MAML3: variants seen among roughly 807,000 people sequenced by gnomAD.
MAML3 encodes mastermind like transcriptional coactivator 3, also known as mastermind-like protein 3.
Under a neutral mutation model 101.9 loss-of-function variants are expected in MAML3, and 27 were observed. That is an observed-to-expected ratio of 0.27 (90% CI 0.20 to 0.37). MAML3 has a LOEUF of 0.37. Ranked by LOEUF, MAML3 falls within the 10% of genes least tolerant of loss-of-function variation. MAML3 has a pLI of 1.00. For missense variants in MAML3, 1,316 were observed against 1,444.9 expected, an observed-to-expected ratio of 0.91 and a Z score of 1.45; for synonymous variants, 501 against 555.9, an observed-to-expected ratio of 0.90 and a Z score of 1.39.
At chr4:139,801,434 C>T (rs534547812) in intron 2 of MAML3, among the ~76,000 whole-genome samples, 41 of 152,228 alleles carry the variant, frequency 2.7e-4, no homozygotes, top group East Asian at 9.6e-4. Flanking sequence ...GCTGCACCAC[C>T]GCTGTGGGGA....
intron 2 of MAML3, among the ~76,000 whole-genome samples, chr4:139,857,366 C>G (rs1731679657): frequency 6.6e-6 from 1 of 152,172 alleles, no homozygotes; most frequent in Non-Finnish European, 1.5e-5. Flanking sequence ...TCCCCCACCC[C>G]ACCCCCTTCA....
chr4:139,845,681 G>T (rs951420279), intron 2 of MAML3, among the ~76,000 whole-genome samples: 4 of 152,122 alleles, frequency 2.6e-5, no homozygotes, highest in African/African-American at 9.7e-5. Context: ...CACTTCATAT[G>T]ATGTCATCTC....
chr4:139,994,342 A>T (rs1007812850), intron 1 of MAML3, among the ~76,000 whole-genome samples: 1 of 152,174 alleles, frequency 6.6e-6, no homozygotes, highest in African/African-American at 2.4e-5. Flanking sequence ...TTGGGTTCTT[A>T]ATTTAACTTT....
chr4:140,104,376 AATATATATATATTATATATTATATAAT>A (rs1377938095), intron 1 of MAML3, among the ~76,000 whole-genome samples: 8 of 69,374 alleles, frequency 1.2e-4, no homozygotes, highest in Non-Finnish European at 1.9e-4. Flanking sequence ...ATATATATAT[AATATATATATATTATATATTATATAAT>A]ATATAATATA....
chr4:139,930,236 G>C (rs1419453242), intron 1 of MAML3, among the ~76,000 whole-genome samples: 1 of 152,152 alleles, frequency 6.6e-6, no homozygotes, highest in South Asian at 2.1e-4. Flanking sequence ...TCTTCTTCAG[G>C]AGAGTCAAAA....
chr4:140,136,213 G>A (rs1728880776), intron 1 of MAML3, among the ~76,000 whole-genome samples: 1 of 152,164 alleles, frequency 6.6e-6, no homozygotes, highest in Admixed American at 6.5e-5. Context: ...GCTGCTGAGA[G>A]GTGGCAGGAG....
rs902505696 is a variant in MAML3 at position 139,961,908 on chromosome 4, G to A, written c.469-70941C>T. 2.0e-5 allele frequency among the ~76,000 whole-genome samples: 3 copies of A among 152,224 alleles called. No individual in the cohort carries two copies. In the South Asian group the frequency reaches 6.2e-4, roughly 32 times the overall value. ...GCAGGTGGATCACTTGGGCTCAGGA[G>A]TTCAAGACCAGCCTGGGAAACATGG... is the stretch of plus-strand genomic sequence containing the variant. On this transcript the variant is annotated intron_variant, in intron 1 of 4. Transcript: ENST00000509479.
At chr4:139,768,757 G>A (rs1178384944) in intron 2 of MAML3, among the ~76,000 whole-genome samples, 1 of 152,188 alleles carries the variant, frequency 6.6e-6, no homozygotes. Flanking sequence ...TGATGTATGG[G>A]GTCTGGGTAG....
rs570700966 is a variant in MAML3 at position 140,091,537 on chromosome 4, C to CAAAAAAAAAAAAAA, written c.468+61322_468+61323insTTTTTTTTTTTTTT. Among the ~76,000 whole-genome samples the CAAAAAAAAAAAAAA allele has an allele frequency of 3.1e-4, 22 of 71,596 alleles. 1 individual carries two copies. Among genetic ancestry groups the CAAAAAAAAAAAAAA allele is most frequent in the African/African-American group, 5.2e-4 (11 of 21,300 alleles). The allele number at this position is 71,596 out of a possible 152,430, so 47.0% of individuals were successfully genotyped here. A position where few individuals can be genotyped will look rare whatever the true frequency, so the allele number is the denominator to read the frequency against. On this transcript the variant is annotated intron_variant, in intron 1 of 4. Coordinates refer to ENST00000509479, the MANE Select transcript of MAML3 (RefSeq NM_018717.5). ...TGTAAAACAAAACAAAACAACAAAA[C>CAAAAAAAAAAAAAA]AAAAACAAAACAAAAAAAAAAAACA...
chr4:139,932,363 C>T (rs1165874574), intron 1 of MAML3, among the ~76,000 whole-genome samples: 1 of 152,080 alleles, frequency 6.6e-6, no homozygotes, highest in Admixed American at 6.5e-5. Context: ...AACTAAGTTT[C>T]ATTGATCTCA....
intron 1 of MAML3, among the ~76,000 whole-genome samples, chr4:139,895,814 C>T (rs961907235): frequency 3.9e-5 from 6 of 152,128 alleles, no homozygotes; most frequent in East Asian, 1.9e-4. Flanking sequence ...CGTTGAGGTT[C>T]GAATCAAATA....
chr4:140,126,994 G>A (rs1728695075), intron 1 of MAML3, among the ~76,000 whole-genome samples: 1 of 151,982 alleles, frequency 6.6e-6, no homozygotes, highest in South Asian at 2.1e-4. Context: ...CATCTTCACC[G>A]ACCTCCCTCC....
In MAML3 at chr4:139,905,531, G is replaced by C. The variant is rs540951075; in HGVS notation, c.469-14564C>G. On this transcript the variant is annotated intron_variant, in intron 1 of 4. Coordinates refer to ENST00000509479, the MANE Select transcript of MAML3 (RefSeq NM_018717.5). ...AAATCAGTTAAATCAGTTATAGCTG[G>C]TTACAAAAGGTAAAATATTCGAAGT... is the stretch of plus-strand genomic sequence containing the variant. Among the ~76,000 whole-genome samples, 8 of 146,410 alleles carry C rather than the reference G, an allele frequency of 5.5e-5. No homozygotes were observed. The South Asian group carries it at 1.7e-3, about 31-fold the overall frequency.
intron 1 of MAML3, among the ~76,000 whole-genome samples, chr4:139,981,362 T>C (rs529774785): frequency 2.5e-4 from 38 of 152,312 alleles, no homozygotes; most frequent in Admixed American, 2.3e-3. Context: ...TATTCTGAGG[T>C]ACTAGGGCTT....
intron 2 of MAML3, among the ~76,000 whole-genome samples, chr4:139,852,505 C>T (rs1268914025): frequency 1.3e-5 from 2 of 149,698 alleles, no homozygotes; most frequent in African/African-American, 2.5e-5. Flanking sequence ...CTCTGCTTCC[C>T]GGGTTCAAGC....
At chr4:139,825,253 G>A (rs1385987211) in intron 2 of MAML3, among the ~76,000 whole-genome samples, 3 of 152,146 alleles carry the variant, frequency 2.0e-5, no homozygotes, top group East Asian at 3.8e-4. Context: ...TATTGGGGGT[G>A]GGGTGAGGGG....
At chr4:139,837,166 C>G (rs537834634) in intron 2 of MAML3, among the ~76,000 whole-genome samples, 1 of 148,622 alleles carries the variant, frequency 6.7e-6, no homozygotes, top group East Asian at 2.0e-4. Context: ...AAAAGAATTA[C>G]TAACTCCAAT....
intron 1 of MAML3, among the ~76,000 whole-genome samples, chr4:139,957,600 C>T (rs1479909342): frequency 1.3e-5 from 2 of 152,152 alleles, no homozygotes; most frequent in Non-Finnish European, 2.9e-5. Flanking sequence ...GATGGTGAAT[C>T]CAGTGTTTGG....
intron 1 of MAML3, among the ~76,000 whole-genome samples, chr4:140,095,682 G>A (rs570866253): frequency 6.6e-6 from 1 of 151,598 alleles, no homozygotes; most frequent in East Asian, 1.9e-4. Flanking sequence ...CCTACCCTCC[G>A]AGCCCCCCAA....
Sources: gnomAD v4.1 joint callset for allele counts (sites outside exome capture counted in the v4.1 genomes callset) on GRCh38, gnomAD v4.1.1 for gene constraint, MANE v1.5 for transcripts, NCBI Gene and HGNC (gene_info 2026-07-23, HGNC 2026-07-21) for gene names.